Variants in PDE10A observed in about 807,000 individuals in gnomAD.
PDE10A encodes the protein cAMP and cAMP-inhibited cGMP 3',5'-cyclic phosphodiesterase 10A.
Under a neutral mutation model 97.7 loss-of-function variants are expected in PDE10A, and 39 were observed. The observed-to-expected ratio is 0.40, with a 90% CI of 0.31 to 0.52. PDE10A has a LOEUF of 0.52. PDE10A is among the 20% of genes least tolerant of loss of function. The pLI is 0.56. For missense variants in PDE10A, 731 were observed against 1,047.8 expected (o/e 0.70, Z 4.17); for synonymous variants, 371 against 376.8 (o/e 0.98, Z 0.18).
intron 1 of PDE10A, among the ~76,000 whole-genome samples, chr6:165,832,149 A>G (rs1473184691): frequency 6.6e-6 from 1 of 152,082 alleles, no homozygotes; most frequent in Non-Finnish European, 1.5e-5. Context: ...ATATATGTAT[A>G]CATATAAATA....
At chr6:165,441,307 G>C (rs1672712711) in intron 5 of PDE10A, among the ~76,000 whole-genome samples, 4 of 152,164 alleles carry the variant, frequency 2.6e-5, no homozygotes, top group African/African-American at 7.2e-5. Context: ...GCTGTAACTA[G>C]CTGCTGATTT....
intron 2 of PDE10A, among the ~76,000 whole-genome samples, chr6:165,534,552 A>G (rs1038667106): frequency 1.3e-5 from 2 of 152,132 alleles, no homozygotes; most frequent in Non-Finnish European, 2.9e-5. Flanking sequence ...ATCTTCAACA[A>G]AATACTAAAA....
At chr6:165,448,225 A>G (rs1186080280) in intron 5 of PDE10A, among the ~76,000 whole-genome samples, 1 of 152,256 alleles carries the variant, frequency 6.6e-6, no homozygotes, top group Non-Finnish European at 1.5e-5. Flanking sequence ...GAATATTAGC[A>G]TTATTGGCTC....
chr6:165,508,377 C>T (rs1031217232), intron 2 of PDE10A, among the ~76,000 whole-genome samples: 18 of 152,008 alleles, frequency 1.2e-4, no homozygotes, highest in Non-Finnish European at 1.5e-5. Context: ...TTCATCCACA[C>T]TGTTGCCTGT....
intron 1 of PDE10A, among the ~76,000 whole-genome samples, chr6:165,900,065 G>C (rs549992775): frequency 2.6e-5 from 4 of 152,338 alleles, no homozygotes; most frequent in African/African-American, 9.6e-5. Flanking sequence ...GTTCGCTGGT[G>C]CCCTGCAGCC....
chr6:165,477,444 C>A (rs956438990), intron 3 of PDE10A, among the ~76,000 whole-genome samples: 1 of 152,160 alleles, frequency 6.6e-6, no homozygotes, highest in African/African-American at 2.4e-5. Flanking sequence ...TATGTAAATG[C>A]CATGAGCGCA....
chr6:165,412,492 T>C (rs1308786177), intron 13 of PDE10A, among the ~76,000 whole-genome samples: 1 of 152,160 alleles, frequency 6.6e-6, no homozygotes, highest in East Asian at 1.9e-4. Flanking sequence ...ATACTAAAAA[T>C]GTTTGAAGCA....
chr6:165,666,009 G>A (rs1790489020), upstream of PDE10A, among the ~76,000 whole-genome samples: 1 of 152,116 alleles, frequency 6.6e-6, no homozygotes, highest in Non-Finnish European at 1.5e-5. Context: ...TGGATTTTAT[G>A]TTCTTAAAAA....
chr6:165,915,693 C>T (rs139812349), intron 1 of PDE10A, among the ~76,000 whole-genome samples: 31 of 152,314 alleles, frequency 2.0e-4, no homozygotes, highest in Middle Eastern at 6.8e-3. Flanking sequence ...CACACAAGGC[C>T]GTGTCATTTG....
intron 1 of PDE10A, among the ~76,000 whole-genome samples, chr6:165,571,708 T>C (rs1416571002): frequency 1.3e-5 from 2 of 152,236 alleles, no homozygotes; most frequent in Non-Finnish European, 2.9e-5. Flanking sequence ...TTAGTACCAG[T>C]TGACCTGCCT....
At chr6:165,987,897 A>G (rs1037978214) in exon 1 of PDE10A, 1 of 375,320 alleles carries the variant, frequency 2.7e-6, no homozygotes, top group Non-Finnish European at 5.3e-6. Context: ...AGACCAGTCC[A>G]TCTCAGCTCA....
chr6:165,468,925 C>T (rs989796928), intron 3 of PDE10A, among the ~76,000 whole-genome samples: 16 of 152,200 alleles, frequency 1.1e-4, no homozygotes, highest in African/African-American at 2.9e-4. Context: ...TAAAACAGCT[C>T]CTCTGTTGCA....
At position 165,329,686 on chromosome 6, in the gene PDE10A, A is replaced by C. The variant is rs1781234015; in HGVS notation, c.*3339T>G. 1 of 152,224 alleles carries C rather than the reference A, an allele frequency of 6.6e-6. No homozygotes were observed. Among genetic ancestry groups the C allele is most frequent in the Non-Finnish European group, 1.5e-5 (1 of 68,022 alleles). The allele number at this position is 152,224 out of a possible 1,614,324, so 9.4% of individuals were successfully genotyped here. On this transcript the variant is annotated 3_prime_UTR_variant, in exon 22 of 22. Coordinates refer to ENST00000539869, the MANE Select transcript of PDE10A (RefSeq NM_001385079.1). ...ATTTTACAAAATGAAAAAAAATCTA[A>C]AAAGCATGCCAAAAAAGAGGAAATC... is the stretch of plus-strand genomic sequence containing the variant.
chr6:165,593,110 T>G (rs1025216225), intron 1 of PDE10A, among the ~76,000 whole-genome samples: 1 of 152,176 alleles, frequency 6.6e-6, no homozygotes. Flanking sequence ...CACGGAATAC[T>G]ATGCAGCCAT....
chr6:165,643,294 G>T (rs1222880437), intron 1 of PDE10A, among the ~76,000 whole-genome samples: 4 of 114,330 alleles, frequency 3.5e-5, no homozygotes, highest in African/African-American at 6.7e-5. Context: ...CAGATGAACG[G>T]ATGGGTGTAC....
chr6:165,933,839 C>T (rs191610191), intron 1 of PDE10A, among the ~76,000 whole-genome samples: 2 of 152,098 alleles, frequency 1.3e-5, no homozygotes, highest in Admixed American at 6.5e-5. Flanking sequence ...CAAGTGTAGC[C>T]GGGAGCAGGT....
At chr6:165,667,583 A>G (rs1790529031), upstream of PDE10A, among the ~76,000 whole-genome samples, 2 of 151,820 alleles carry the variant, frequency 1.3e-5, no homozygotes. Flanking sequence ...GGTTAAAACA[A>G]TATTTCAAAT....
At chr6:165,900,213 C>G (rs772377091) in intron 1 of PDE10A, among the ~76,000 whole-genome samples, 1 of 152,090 alleles carries the variant, frequency 6.6e-6, no homozygotes, top group Non-Finnish European at 1.5e-5. Context: ...GGCTCACACC[C>G]GTAATCCCAG....
chr6:165,613,303 G>A (rs2983496), intron 1 of PDE10A, among the ~76,000 whole-genome samples: 16,355 of 152,046 alleles, frequency 0.11, 877 homozygotes, highest in Middle Eastern at 0.13. Context: ...GAAATTGCCT[G>A]TTTGGGGACA....
Sources: gnomAD v4.1 joint callset for allele counts (sites outside exome capture counted in the v4.1 genomes callset) on GRCh38, gnomAD v4.1.1 for gene constraint, MANE v1.5 for transcripts, NCBI Gene and HGNC (gene_info 2026-07-23, HGNC 2026-07-21) for gene names.